The following ABR variants were observed in gnomAD, a reference collection of about 807,000 sequenced individuals.
ABR encodes the protein active breakpoint cluster region-related protein.
Under a neutral mutation model 107.2 loss-of-function variants are expected in ABR, and 35 were observed. The ratio of observed to expected loss-of-function variants is 0.33; its 90% CI spans 0.25 to 0.43. The LOEUF is 0.43. Ranked by LOEUF, ABR falls within the 20% of genes least tolerant of loss-of-function variation. The pLI, the probability that ABR is intolerant of heterozygous loss-of-function variation, is 1.00. For synonymous variants in ABR, 498 were observed against 462.0 expected (o/e 1.08, Z -1.00); for missense variants, 815 against 1,115.2 (o/e 0.73, Z 3.83).
intron 6 of ABR, 77 bp from the exon 7 acceptor site, chr17:1,073,754 C>A (rs2035448567): frequency 7.5e-7 from 1 of 1,338,270 alleles, no homozygotes. Context: ...CCAGCTTCGT[C>A]CCCCCACCCG....
intron 2 of ABR, among the ~76,000 whole-genome samples, chr17:1,106,632 C>T (rs1394612322): frequency 2.7e-5 from 4 of 148,212 alleles, no homozygotes; most frequent in South Asian, 4.4e-4. Flanking sequence ...CAGGTTCAAG[C>T]GATTCTCCTG....
At chr17:1,116,883 C>T (rs2039013838) in intron 2 of ABR, among the ~76,000 whole-genome samples, 2 of 152,142 alleles carry the variant, frequency 1.3e-5, no homozygotes, top group Admixed American at 1.3e-4. Flanking sequence ...ATGCAGGGGC[C>T]GGCTGCTGGG....
At position 1,078,216 on chromosome 17, in the gene ABR, G is replaced by A. The variant is rs1771881271; in HGVS notation, c.700+1114C>T. 6.6e-6 allele frequency among the ~76,000 whole-genome samples: 1 copy of A among 152,028 alleles called. No individual in the cohort carries two copies. Among genetic ancestry groups the A allele is most frequent in the Admixed American group, 6.5e-5 (1 of 15,268 alleles). ...CAGTTGAGGGCCCAGACCTCGGCTG[G>A]GGGTCTCTCACGGCTGGAAACAAAC... On this transcript the variant is annotated intron_variant, in intron 6 of 22. Transcript: ENST00000302538. This position sits in a 1 kb window ranked among gnomAD's most constrained non-coding sequence, Gnocchi z 7.5.
chr17:1,083,955 G>C (rs2036429280), intron 4 of ABR, among the ~76,000 whole-genome samples: 1 of 152,124 alleles, frequency 6.6e-6, no homozygotes, highest in African/African-American at 2.4e-5. Context: ...CCCAGGGTTT[G>C]AAATCCCTTA....
chr17:1,081,880 A>G (rs1012661982), intron 5 of ABR, among the ~76,000 whole-genome samples: 3 of 152,116 alleles, frequency 2.0e-5, no homozygotes, highest in African/African-American at 7.2e-5. Context: ...CCCGGCTTCT[A>G]TAGGTACGTT....
In ABR at chr17:1,092,911, C is replaced by T. The variant is rs919507817; in HGVS notation, c.346-1061G>A. Among the ~76,000 whole-genome samples the T allele has an allele frequency of 1.5e-5, 1 of 65,502 alleles. No individual in the cohort carries two copies. The highest frequency in any genetic ancestry group is 5.2e-5 in the African/African-American group (1 of 19,238). The allele number at this position is 65,502 out of a possible 152,430, so 43.0% of individuals were successfully genotyped here. A position where few individuals can be genotyped will look rare whatever the true frequency, so the allele number is the denominator to read the frequency against. On this transcript the variant is annotated intron_variant, in intron 3 of 22. Transcript: ENST00000302538. The surrounding 1 kb of genome is among the most constrained non-coding windows in gnomAD (Gnocchi z 4.6). The stretch of plus-strand genomic sequence containing the variant: ...AGTGGTGCGATCTCGGCTCCGCCTC[C>T]CGGGTTCACGCCATTCTCCTGCCTC...
Position 1,050,959 on chromosome 17 carries a change from C to T in ABR, c.1562-325G>A, listed in dbSNP as rs1729495918. On this transcript the variant is annotated intron_variant, in intron 14 of 22. Coordinates refer to ENST00000302538, the MANE Select transcript of ABR (RefSeq NM_021962.5). This position sits in a 1 kb window ranked among gnomAD's most constrained non-coding sequence, Gnocchi z 4.6. ...CTCCCCACACTCTGGCCTCCTCCTC[C>T]CTCTAAAGGGCCCTTGACTGTTCCG... 6.6e-6 allele frequency among the ~76,000 whole-genome samples: 1 copy of T among 151,942 alleles called. No homozygotes were observed. Among genetic ancestry groups the T allele is most frequent in the Non-Finnish European group, 1.5e-5 (1 of 68,006 alleles).
rs1185049075 is a variant in ABR, at chr17:1,012,822, A to G, written c.1852-25T>C. On this transcript the variant is annotated intron_variant, in intron 17 of 22. Transcript: ENST00000302538. ...TCTGGTTGGGGGGTGAGGCAGGTAAAGATTCCCCAGGGTGTGAGTGCCCGA... is the reference window on the plus strand; with the variant it reads ...TCTGGTTGGGGGGTGAGGCAGGTAAGGATTCCCCAGGGTGTGAGTGCCCGA... 3.9e-6 allele frequency: 6 copies of G among 1,542,022 alleles called. 1 individual carries two copies. The South Asian group carries it at 5.9e-5, about 15-fold the overall frequency.
At chr17:1,125,839 C>A (rs2039576308) in intron 1 of ABR, 1 of 170,424 alleles carries the variant, frequency 5.9e-6, no homozygotes, top group Non-Finnish European at 1.2e-5. Flanking sequence ...GAGCCCACTC[C>A]CTCCAGGGGT....
rs968342857 is a variant in ABR at position 1,142,991 on chromosome 17, G to T, written c.62-17624C>A. On this transcript the variant is annotated intron_variant, in intron 1 of 22. Coordinates refer to ENST00000302538, the MANE Select transcript of ABR (RefSeq NM_021962.5). ...ACTCCTGGGGGACAGCTCGCTCCTG[G>T]GGGACAGCTCATTCCTGGGGACAGC... Among the ~76,000 whole-genome samples the T allele has an allele frequency of 1.3e-5, 2 of 149,488 alleles. 1 individual carries two copies.
intron 1 of ABR, among the ~76,000 whole-genome samples, chr17:1,208,018 G>T (rs142326614): frequency 4.3e-4 from 65 of 152,086 alleles, no homozygotes; most frequent in African/African-American, 1.5e-3. Context: ...TGATCCACCC[G>T]CTTCGGCCTC....
intron 1 of ABR, among the ~76,000 whole-genome samples, chr17:1,166,441 T>A (rs2041509011): frequency 6.6e-6 from 1 of 152,070 alleles, no homozygotes; most frequent in African/African-American, 2.4e-5. Flanking sequence ...ACACTATGAA[T>A]GGGCGAGTGT....
intron 16 of ABR, among the ~76,000 whole-genome samples, chr17:1,040,530 C>G (rs2030221019): frequency 6.6e-6 from 1 of 152,250 alleles, no homozygotes; most frequent in African/African-American, 2.4e-5. Flanking sequence ...CAAAGCCAGT[C>G]TGACCCCATC....
chr17:1,151,122 A>T (rs1002793299), intron 1 of ABR, among the ~76,000 whole-genome samples: 1 of 152,170 alleles, frequency 6.6e-6, no homozygotes, highest in Non-Finnish European at 1.5e-5. Context: ...TTTTACCTTC[A>T]ACATGGAGTA....
At chr17:1,109,385 G>A (rs895911999) in intron 2 of ABR, among the ~76,000 whole-genome samples, 2 of 151,946 alleles carry the variant, frequency 1.3e-5, no homozygotes, top group African/African-American at 4.8e-5. Context: ...CGGCCCCGCA[G>A]GGCCCGCCCT....
upstream of ABR, among the ~76,000 whole-genome samples, chr17:1,190,148 C>T (rs577291106): frequency 6.6e-6 from 1 of 152,292 alleles, no homozygotes; most frequent in East Asian, 1.9e-4. Flanking sequence ...CACAAAAAAC[C>T]CTAACTGAAA....
At chr17:1,052,226 C>A (rs760119592) in intron 14 of ABR, among the ~76,000 whole-genome samples, 31 of 151,820 alleles carry the variant, frequency 2.0e-4, no homozygotes, top group Non-Finnish European at 3.4e-4. Flanking sequence ...ACACAGAGGC[C>A]CTGAGCACCC....
At position 1,125,494 on chromosome 17, in the gene ABR, C is replaced by T. The variant is rs757992447; in HGVS notation, c.62-127G>A. The T allele has an allele frequency of 3.5e-5, 35 of 1,007,508 alleles. No individual in the cohort carries two copies. In the African/African-American group the frequency reaches 4.2e-4, roughly 12 times the overall value. 62.4% of individuals were successfully genotyped at this position (1,007,508 alleles called of 1,614,324 possible). A position where few individuals can be genotyped will look rare whatever the true frequency, so the allele number is the denominator to read the frequency against. ...CCGGCCGCACCATCCACGCCTGGCCCGGGCGGGGGCTGTGCGGGGGCCTGG... is the reference window on the plus strand; with the variant it reads ...CCGGCCGCACCATCCACGCCTGGCCTGGGCGGGGGCTGTGCGGGGGCCTGG... On this transcript the variant is annotated intron_variant, in intron 1 of 22. Coordinates refer to ENST00000302538, the MANE Select transcript of ABR (RefSeq NM_021962.5).
rs2039140250 is a variant in ABR at position 1,118,248 on chromosome 17, T to A, written c.246+6935A>T. On this transcript the variant is annotated intron_variant, in intron 2 of 22. Transcript: ENST00000302538. Reference sequence around the variant, plus strand: ...CCCCAGCGTTAACCCTGAGCCTGAGTTCCTCCCAGCGTTATCCCTGAGCCT... The same window carrying A: ...CCCCAGCGTTAACCCTGAGCCTGAGATCCTCCCAGCGTTATCCCTGAGCCT... Among the ~76,000 whole-genome samples, 3 of 92,358 alleles carry A rather than the reference T, an allele frequency of 3.2e-5. No homozygotes were observed. In the Admixed American group the frequency reaches 3.5e-4, roughly 11 times the overall value. The allele number at this position is 92,358 out of a possible 152,430, so 60.6% of individuals were successfully genotyped here.
Sources: allele counts gnomAD v4.1 joint callset (sites outside exome capture counted in the v4.1 genomes callset), GRCh38; gene constraint gnomAD v4.1.1; non-coding constraint Gnocchi (gnomAD v3.1); transcripts MANE v1.5; gene names NCBI Gene and HGNC (gene_info 2026-07-23, HGNC 2026-07-21).